Variants in TPRG1 observed in about 807,000 individuals in gnomAD.
TPRG1 encodes tumor protein p63 regulated 1.
A neutral mutation model predicts 29.3 loss-of-function variants in TPRG1; 29 were observed. That is an observed-to-expected ratio of 0.99 (90% CI 0.74 to 1.35). TPRG1 has a LOEUF of 1.35. Among genes scored for constraint, TPRG1 ranks in the 40% most tolerant of loss-of-function variants. The pLI is 0.00. For synonymous variants in TPRG1, 130 were observed against 116.8 expected (o/e 1.11, Z -0.73); for missense variants, 327 against 335.0 (o/e 0.98, Z 0.19).
At chr3:189,127,267 G>A (rs542772167) in intron 2 of TPRG1, 17 of 152,310 alleles carry the variant, frequency 1.1e-4, no homozygotes, top group Admixed American at 2.0e-4. Context: ...GATGCCTATA[G>A]GAATTTGATT....
At chr3:189,125,660 C>T (rs1722367718) in intron 1 of TPRG1, among the ~76,000 whole-genome samples, 1 of 152,122 alleles carries the variant, frequency 6.6e-6, no homozygotes, top group Non-Finnish European at 1.5e-5. Context: ...AAGGAAGTAT[C>T]ACCTTCAAGC....
intron 4 of TPRG1, among the ~76,000 whole-genome samples, chr3:189,244,543 A>T (rs531038479): frequency 6.6e-6 from 1 of 152,180 alleles, no homozygotes; most frequent in Non-Finnish European, 1.5e-5. Flanking sequence ...GGAACAAGGC[A>T]TCTCACATGG....
At chr3:189,059,329 A>C (rs1003376625) in intron 4 of TPRG1, among the ~76,000 whole-genome samples, 2 of 152,234 alleles carry the variant, frequency 1.3e-5, no homozygotes, top group Non-Finnish European at 2.9e-5. Flanking sequence ...GCAGTGGCTC[A>C]TGCCTGTAAT....
chr3:189,106,113 C>A (rs961372195), intron 1 of TPRG1, among the ~76,000 whole-genome samples: 3 of 152,042 alleles, frequency 2.0e-5, no homozygotes, highest in African/African-American at 7.2e-5. Flanking sequence ...AGAAACAAAA[C>A]AAAACAAAAC....
chr3:189,034,503 A>G (rs1437388747), intron 4 of TPRG1, among the ~76,000 whole-genome samples: 2 of 152,250 alleles, frequency 1.3e-5, no homozygotes, highest in South Asian at 2.1e-4. Context: ...CATAAACAAT[A>G]TATCAATGTA....
intron 4 of TPRG1, among the ~76,000 whole-genome samples, chr3:189,280,514 A>G (rs1716946637): frequency 6.6e-6 from 1 of 152,118 alleles, no homozygotes; most frequent in Non-Finnish European, 1.5e-5. Flanking sequence ...TTTATCTTGT[A>G]TCTTTCCACT....
At chr3:189,040,835 G>A (rs770218782) in intron 4 of TPRG1, among the ~76,000 whole-genome samples, 1 of 152,124 alleles carries the variant, frequency 6.6e-6, no homozygotes, top group Non-Finnish European at 1.5e-5. Context: ...TGAGTCAAAG[G>A]GTGGTCCTCA....
intron 3 of TPRG1, among the ~76,000 whole-genome samples, chr3:189,221,420 C>G (rs1375938): frequency 0.65 from 99,362 of 151,992 alleles, 33,557 homozygotes; most frequent in African/African-American, 0.84. Context: ...ACACGTGCCT[C>G]AGTATTATAT....
At chr3:189,308,615 T>C (rs1292185675) in intron 4 of TPRG1, among the ~76,000 whole-genome samples, 1 of 152,188 alleles carries the variant, frequency 6.6e-6, no homozygotes. Flanking sequence ...CTTTTTATAG[T>C]CACATTGACT....
intron 4 of TPRG1, among the ~76,000 whole-genome samples, chr3:189,086,038 A>G (rs908505618): frequency 6.6e-6 from 1 of 152,156 alleles, no homozygotes. Flanking sequence ...CTGAGGAGCA[A>G]CGAAGTCAGT....
intron 2 of TPRG1, among the ~76,000 whole-genome samples, chr3:189,003,707 C>G (rs150482327): frequency 8.5e-5 from 13 of 152,268 alleles, no homozygotes; most frequent in African/African-American, 3.1e-4. Flanking sequence ...TTACAGTTCT[C>G]TCTTGTAGAC....
intron 4 of TPRG1, among the ~76,000 whole-genome samples, chr3:189,277,061 A>G (rs1385239607): frequency 6.6e-6 from 1 of 152,100 alleles, no homozygotes. Flanking sequence ...ACGCTGCTCG[A>G]GGAGGAATTA....
At position 189,191,016 on chromosome 3, in the gene TPRG1, A is replaced by T. The variant is rs930540909; in HGVS notation, c.-9-16360A>T. On this transcript the variant is annotated intron_variant, in intron 1 of 5. Transcript: ENST00000345063. ...GTCTTTTAATTTTCTCAGGACATTTACTGTCTATTCTGGCTAATTTTGGTC... is the reference window on the plus strand; with the variant it reads ...GTCTTTTAATTTTCTCAGGACATTTTCTGTCTATTCTGGCTAATTTTGGTC... 7 of 984,646 alleles carry T rather than the reference A, an allele frequency of 7.1e-6. No individual in the cohort carries two copies. The African/African-American group carries it at 1.2e-4, about 17-fold the overall frequency. 61.0% of individuals were successfully genotyped at this position (984,646 alleles called of 1,614,324 possible).
chr3:189,129,933 A>G (rs545227743), intron 2 of TPRG1, among the ~76,000 whole-genome samples: 1 of 152,334 alleles, frequency 6.6e-6, no homozygotes, highest in African/African-American at 2.4e-5. Flanking sequence ...GAAATGCACA[A>G]AAAATCTCAT....
chr3:189,278,601 A>T (rs1042068158), intron 4 of TPRG1, among the ~76,000 whole-genome samples: 64 of 152,326 alleles, frequency 4.2e-4, no homozygotes, highest in African/African-American at 1.5e-3. Context: ...GACTTAGGAA[A>T]CCTAAACCTA....
intron 5 of TPRG1, among the ~76,000 whole-genome samples, chr3:189,154,024 G>A (rs1726311017): frequency 6.6e-6 from 1 of 152,124 alleles, no homozygotes; most frequent in South Asian, 2.1e-4. Flanking sequence ...CAGCCCTTTG[G>A]GTAGAAACAC....
chr3:189,227,534 G>A (rs1450056319), intron 3 of TPRG1, among the ~76,000 whole-genome samples: 1 of 152,130 alleles, frequency 6.6e-6, no homozygotes, highest in African/African-American at 2.4e-5. Context: ...TGAGATTGAC[G>A]CAATTGTAGC....
At chr3:189,083,699 C>G (rs1260150036) in intron 4 of TPRG1, among the ~76,000 whole-genome samples, 1 of 152,156 alleles carries the variant, frequency 6.6e-6, no homozygotes, top group Non-Finnish European at 1.5e-5. Context: ...TTCCTAGTGC[C>G]TATATCAAGT....
At chr3:189,243,620 C>T (rs1049567295) in intron 4 of TPRG1, among the ~76,000 whole-genome samples, 1 of 151,968 alleles carries the variant, frequency 6.6e-6, no homozygotes, top group East Asian at 1.9e-4. Flanking sequence ...AACATGAGTC[C>T]AACTTTAAGT....
Sources: gnomAD v4.1 joint callset for allele counts (sites outside exome capture counted in the v4.1 genomes callset) on GRCh38, gnomAD v4.1.1 for gene constraint, MANE v1.5 for transcripts, NCBI Gene and HGNC (gene_info 2026-07-23, HGNC 2026-07-21) for gene names.